Variants in RNF115 observed in about 807,000 individuals in gnomAD.
The protein encoded by RNF115 is E3 ubiquitin-protein ligase RNF115.
Under a neutral mutation model 39.2 loss-of-function variants are expected in RNF115, and 31 were observed. The observed-to-expected ratio is 0.79, with a 90% CI of 0.59 to 1.07. The LOEUF (loss-of-function observed/expected upper bound fraction) is 1.07, where lower values mean the gene tolerates loss of function less well. Ranked by LOEUF, RNF115 falls within the 50% of genes least tolerant of loss-of-function variation. RNF115 has a pLI of 0.00. For missense variants in RNF115, 384 were observed against 381.7 expected (o/e 1.01, Z -0.05); for synonymous variants, 124 against 131.0 (o/e 0.95, Z 0.37).
At chr1:145,766,617 C>T (rs1351809719) in intron 4 of RNF115, among the ~76,000 whole-genome samples, 6 of 145,194 alleles carry the variant, frequency 4.1e-5, no homozygotes, top group East Asian at 2.0e-4. Context: ...GCTGGCCGGG[C>T]GGGGGGCTGA....
intron 1 of RNF115, among the ~76,000 whole-genome samples, chr1:145,798,362 G>GAT (rs2101586265): frequency 6.6e-6 from 1 of 152,204 alleles, no homozygotes; most frequent in South Asian, 2.1e-4. Context: ...TGTAAAATAT[G>GAT]AGTCCAAATT....
chr1:145,780,915 G>A (rs1445315501), intron 3 of RNF115, among the ~76,000 whole-genome samples: 1 of 152,014 alleles, frequency 6.6e-6, no homozygotes, highest in Non-Finnish European at 1.5e-5. Context: ...ACCAGGTCGT[G>A]GTCAGAAGTT....
intron 1 of RNF115, among the ~76,000 whole-genome samples, chr1:145,823,435 T>C (rs1337376224): frequency 2.8e-5 from 4 of 143,504 alleles, no homozygotes; most frequent in African/African-American, 1.0e-4. Context: ...GGGGAGGTCA[T>C]CGTAGGAAAA....
chr1:145,763,350 G>C (rs1362421757), intron 4 of RNF115, among the ~76,000 whole-genome samples: 1 of 152,142 alleles, frequency 6.6e-6, no homozygotes, highest in African/African-American at 2.4e-5. Flanking sequence ...CCAGGAAGGA[G>C]ACTAAACTAC....
intron 3 of RNF115, 81 bp from the exon 4 acceptor site, chr1:145,772,000 A>C (rs782567391): frequency 3.6e-6 from 4 of 1,117,842 alleles, no homozygotes; most frequent in Non-Finnish European, 5.2e-6. Flanking sequence ...TTTATATTAC[A>C]AATGGCCACT....
intron 1 of RNF115, among the ~76,000 whole-genome samples, chr1:145,817,524 G>C (rs1553723766): frequency 6.9e-6 from 1 of 145,906 alleles, no homozygotes; most frequent in East Asian, 1.9e-4. Flanking sequence ...TTTTAACTGG[G>C]GTATTAAGCC....
chr1:145,806,403 A>G (rs1649466062), intron 1 of RNF115, among the ~76,000 whole-genome samples: 1 of 152,160 alleles, frequency 6.6e-6, no homozygotes, highest in Admixed American at 6.6e-5. Context: ...GAAAGCCAAA[A>G]GGAGAAGAAA....
At chr1:145,762,369 G>C (rs1218656553) in intron 4 of RNF115, among the ~76,000 whole-genome samples, 8 of 152,150 alleles carry the variant, frequency 5.3e-5, no homozygotes, top group Non-Finnish European at 8.8e-5. Context: ...GGCCTTCTCA[G>C]CCATGTGGAA....
chr1:145,772,192 C>A, intron 3 of RNF115: 1 of 280,312 alleles, frequency 3.6e-6, no homozygotes, highest in Non-Finnish European at 6.7e-6. Context: ...GTGCCACATC[C>A]TGGCAAGCAC....
chr1:145,781,775 G>C (rs1571746874), intron 3 of RNF115, among the ~76,000 whole-genome samples: 1 of 152,232 alleles, frequency 6.6e-6, no homozygotes, highest in East Asian at 1.9e-4. Flanking sequence ...TCTGGTTCCA[G>C]AGGCTGTGTT....
intron 1 of RNF115, among the ~76,000 whole-genome samples, chr1:145,805,661 G>GT (rs1649429738): frequency 1.3e-5 from 2 of 152,104 alleles, no homozygotes; most frequent in Non-Finnish European, 2.9e-5. Flanking sequence ...TTAAATCCTA[G>GT]TATGTCAGTG....
At chr1:145,812,206 G>T (rs2101605449) in intron 1 of RNF115, among the ~76,000 whole-genome samples, 1 of 149,426 alleles carries the variant, frequency 6.7e-6, no homozygotes, top group East Asian at 1.9e-4. Context: ...CTGGAAGATG[G>T]TACTATGGGT....
intron 4 of RNF115, among the ~76,000 whole-genome samples, chr1:145,760,014 T>C (rs1658439867): frequency 6.6e-6 from 1 of 152,256 alleles, no homozygotes; most frequent in Admixed American, 6.5e-5. Context: ...ATTCTATTTA[T>C]TTTGATCATC....
rs1326500554 is a variant in RNF115 at position 145,824,003 on chromosome 1, T to G, written c.-130A>C. On this transcript the variant is annotated 5_prime_UTR_variant, in exon 1 of 9. Transcript: ENST00000582693. ...CCCACCGCTTCAGAGCCCGCGTCGG[T>G]CACGTGAGTTGGCCAGGCCCAGAAA... 4 of 634,212 alleles carry G rather than the reference T, an allele frequency of 6.3e-6. No individual in the cohort carries two copies. The highest frequency in any genetic ancestry group is 2.0e-5 in the African/African-American group (1 of 51,168). The allele number at this position is 634,212 out of a possible 1,614,324, so 39.3% of individuals were successfully genotyped here.
intron 3 of RNF115, among the ~76,000 whole-genome samples, chr1:145,781,870 A>G (rs1398923359): frequency 1.3e-5 from 2 of 151,412 alleles, no homozygotes; most frequent in African/African-American, 4.9e-5. Flanking sequence ...TATACCCCAG[A>G]ATAAATTTAT....
At chr1:145,775,447 G>C (rs1359224159) in intron 3 of RNF115, among the ~76,000 whole-genome samples, 1 of 148,192 alleles carries the variant, frequency 6.7e-6, no homozygotes, top group African/African-American at 2.5e-5. Context: ...TCAGGCTGGA[G>C]TGCAACGCCG....
chr1:145,767,943 G>A (rs587623005), intron 4 of RNF115, among the ~76,000 whole-genome samples: 7 of 41,740 alleles, frequency 1.7e-4, no homozygotes, highest in South Asian at 1.3e-3. Context: ...GCTTCGGCTC[G>A]GCATCAGAGA....
chr1:145,792,069 T>C (rs1037785485), intron 1 of RNF115, among the ~76,000 whole-genome samples: 1 of 151,930 alleles, frequency 6.6e-6, no homozygotes, highest in Non-Finnish European at 1.5e-5. Flanking sequence ...CACAGGCACA[T>C]ACCATGACCA....
intron 1 of RNF115, among the ~76,000 whole-genome samples, chr1:145,814,419 C>T (rs1183925133): frequency 6.6e-6 from 1 of 151,900 alleles, no homozygotes; most frequent in Non-Finnish European, 1.5e-5. Flanking sequence ...CTCGTCTCTA[C>T]TAAAAATACA....
Sources: gnomAD v4.1 joint callset for allele counts (sites outside exome capture counted in the v4.1 genomes callset) on GRCh38, gnomAD v4.1.1 for gene constraint, MANE v1.5 for transcripts, NCBI Gene and HGNC (gene_info 2026-07-23, HGNC 2026-07-21) for gene names.